NKAIN3: variants seen among roughly 807,000 people sequenced by gnomAD.
The protein encoded by NKAIN3 is sodium/potassium transporting ATPase interacting 3.
Under a neutral mutation model 30.2 loss-of-function variants are expected in NKAIN3, and 25 were observed. That is an observed-to-expected ratio of 0.83 (90% CI 0.60 to 1.16). NKAIN3 has a LOEUF of 1.16. Ranked by LOEUF, NKAIN3 falls within the 50% of genes most tolerant of loss-of-function variation. The probability of loss-of-function intolerance (pLI) is 0.00; values close to 1 mark genes in which losing one functional copy is unlikely to be tolerated. For synonymous variants in NKAIN3, 91 were observed against 89.6 expected (o/e 1.02, Z -0.09); for missense variants, 225 against 254.1 (o/e 0.89, Z 0.78).
At chr8:62,358,922 C>T (rs1816446699) in intron 1 of NKAIN3, among the ~76,000 whole-genome samples, 1 of 152,214 alleles carries the variant, frequency 6.6e-6, no homozygotes, top group Admixed American at 6.5e-5. Context: ...TGGCTCACGC[C>T]TGTAATCCCA....
chr8:62,297,811 T>C (rs1204750499), intron 1 of NKAIN3, among the ~76,000 whole-genome samples: 1 of 152,184 alleles, frequency 6.6e-6, no homozygotes, highest in East Asian at 1.9e-4. Flanking sequence ...TGCCCAGCCA[T>C]CCCATTACTG....
chr8:62,985,858 CTTGT>C (rs1301766915), downstream of NKAIN3, among the ~76,000 whole-genome samples: 1 of 152,082 alleles, frequency 6.6e-6, no homozygotes, highest in Non-Finnish European at 1.5e-5. Flanking sequence ...AGCAGGGAGG[CTTGT>C]TTTAGTGACA....
chr8:62,945,185 C>T (rs1444437904), intron 5 of NKAIN3, among the ~76,000 whole-genome samples: 1 of 151,914 alleles, frequency 6.6e-6, no homozygotes, highest in African/African-American at 2.4e-5. Context: ...TACAATATAG[C>T]ATAGTAAATA....
At chr8:62,727,271 TC>T (rs980781290) in intron 3 of NKAIN3, among the ~76,000 whole-genome samples, 5 of 152,102 alleles carry the variant, frequency 3.3e-5, no homozygotes, top group Non-Finnish European at 7.4e-5. Context: ...CTACAATCTT[TC>T]CCACTAAGAT....
At chr8:62,592,800 T>G (rs1218427426) in intron 3 of NKAIN3, among the ~76,000 whole-genome samples, 1 of 151,978 alleles carries the variant, frequency 6.6e-6, no homozygotes, top group Admixed American at 6.6e-5. Flanking sequence ...ACCTCTGTGG[T>G]CATATTAATG....
At chr8:62,329,648 T>C (rs1815272687) in intron 1 of NKAIN3, among the ~76,000 whole-genome samples, 1 of 152,120 alleles carries the variant, frequency 6.6e-6, no homozygotes, top group Non-Finnish European at 1.5e-5. Flanking sequence ...GCTCCATCAG[T>C]GGTACTGCAA....
intron 1 of NKAIN3, among the ~76,000 whole-genome samples, chr8:62,441,785 T>C (rs1805332475): frequency 6.6e-6 from 1 of 152,066 alleles, no homozygotes; most frequent in Admixed American, 6.5e-5. Context: ...TCAAATCTAA[T>C]TAAAAACATT....
chr8:62,962,724 T>C (rs1823604277), intron 6 of NKAIN3, among the ~76,000 whole-genome samples: 1 of 152,188 alleles, frequency 6.6e-6, no homozygotes, highest in Non-Finnish European at 1.5e-5. Flanking sequence ...CATGGAGATA[T>C]GAATGAAAGG....
At chr8:62,608,336 A>T (rs1277634780) in intron 3 of NKAIN3, among the ~76,000 whole-genome samples, 1 of 152,214 alleles carries the variant, frequency 6.6e-6, no homozygotes, top group Non-Finnish European at 1.5e-5. Context: ...AAAAGCCAAA[A>T]TTTGAACTGT....
chr8:62,395,100 A>T (rs1051518173), intron 1 of NKAIN3, among the ~76,000 whole-genome samples: 1 of 117,178 alleles, frequency 8.5e-6, no homozygotes, highest in Admixed American at 8.7e-5. Context: ...TTCTCAGATG[A>T]TGGGGCGACG....
chr8:62,489,246 C>T lies in NKAIN3; in HGVS notation c.55-90293C>T, dbSNP rs373572294. ...TTCACCATGTTAGCCAGGATGGTCTCGATCTCCTGACCTCGTGATCTGCCC... is the reference window on the plus strand; with the variant it reads ...TTCACCATGTTAGCCAGGATGGTCTTGATCTCCTGACCTCGTGATCTGCCC... On this transcript the variant is annotated intron_variant, in intron 1 of 6. Coordinates refer to ENST00000623646, the MANE Select transcript of NKAIN3 (RefSeq NM_001304533.3). Among the ~76,000 whole-genome samples, 12 of 150,968 alleles carry T rather than the reference C, an allele frequency of 7.9e-5. No homozygotes were observed. In the East Asian group the frequency reaches 2.3e-3, roughly 30 times the overall value.
At chr8:62,939,991 A>G (rs1822904770) in intron 5 of NKAIN3, among the ~76,000 whole-genome samples, 1 of 152,112 alleles carries the variant, frequency 6.6e-6, no homozygotes, top group African/African-American at 2.4e-5. Flanking sequence ...TTCACCAACC[A>G]AGTCTCTTCT....
At chr8:62,691,952 G>A (rs1249634950) in intron 3 of NKAIN3, among the ~76,000 whole-genome samples, 2 of 152,202 alleles carry the variant, frequency 1.3e-5, no homozygotes, top group Admixed American at 6.5e-5. Flanking sequence ...CCAGCTTCAG[G>A]TTAGGCAGGC....
intron 3 of NKAIN3, among the ~76,000 whole-genome samples, chr8:62,735,395 G>C (rs1192771987): frequency 1.0e-5 from 1 of 97,398 alleles, no homozygotes; most frequent in East Asian, 3.4e-4. Context: ...TTTTTTTTTT[G>C]AGCTCTGAAG....
intron 3 of NKAIN3, among the ~76,000 whole-genome samples, chr8:62,688,872 G>A (rs917379171): frequency 1.3e-5 from 2 of 151,726 alleles, no homozygotes; most frequent in Admixed American, 1.3e-4. Flanking sequence ...TTATTTGATG[G>A]CTTAATGTTT....
chr8:62,935,283 G>A (rs62508068), intron 5 of NKAIN3, among the ~76,000 whole-genome samples: 15,937 of 152,118 alleles, frequency 0.1, 960 homozygotes, highest in East Asian at 0.2. Context: ...ATTAGACAGA[G>A]CCTTTGAAAT....
intron 3 of NKAIN3, among the ~76,000 whole-genome samples, chr8:62,711,651 AT>A (rs1439344348): frequency 7.2e-5 from 11 of 151,946 alleles, no homozygotes. Context: ...TTCTTGTAAC[AT>A]TTTTTGGATT....
chr8:62,499,130 A>G (rs778270679), intron 1 of NKAIN3, among the ~76,000 whole-genome samples: 1 of 152,190 alleles, frequency 6.6e-6, no homozygotes, highest in Non-Finnish European at 1.5e-5. Flanking sequence ...TGGTCTACAC[A>G]TAACTCAGAT....
chr8:62,795,527 A>T (rs1320261142), intron 4 of NKAIN3, among the ~76,000 whole-genome samples: 2 of 152,174 alleles, frequency 1.3e-5, no homozygotes, highest in Non-Finnish European at 2.9e-5. Flanking sequence ...TCCCAGCTCC[A>T]GAATTTACTC....
Sources: gnomAD v4.1 joint callset for allele counts (sites outside exome capture counted in the v4.1 genomes callset) on GRCh38, gnomAD v4.1.1 for gene constraint, MANE v1.5 for transcripts, NCBI Gene and HGNC (gene_info 2026-07-23, HGNC 2026-07-21) for gene names.